The following SMG6 variants were observed in gnomAD, a reference collection of about 807,000 sequenced individuals.
SMG6 encodes SMG6 nonsense mediated mRNA decay factor.
Under a neutral mutation model 142.2 loss-of-function variants are expected in SMG6, and 66 were observed. The observed-to-expected ratio is 0.46, with a 90% CI of 0.38 to 0.57. The LOEUF (loss-of-function observed/expected upper bound fraction) is 0.57. SMG6 is among the 20% of genes least tolerant of loss of function. SMG6 has a pLI of 0.00. For synonymous variants in SMG6, 779 were observed against 702.4 expected, an observed-to-expected ratio of 1.11 and a Z score of -1.72; for missense variants, 1,793 against 1,832.0, an observed-to-expected ratio of 0.98 and a Z score of 0.39.
intron 10 of SMG6, among the ~76,000 whole-genome samples, chr17:2,190,307 G>A (rs2072120572): frequency 6.6e-6 from 1 of 152,150 alleles, no homozygotes; most frequent in South Asian, 2.1e-4. Context: ...CTGATACTCT[G>A]AGTAAACATT....
intron 13 of SMG6, among the ~76,000 whole-genome samples, chr17:2,100,949 G>A (rs964138627): frequency 6.6e-6 from 1 of 152,018 alleles, no homozygotes; most frequent in South Asian, 2.1e-4. Flanking sequence ...ACAGCACCTG[G>A]CCAGAATGTG....
intron 15 of SMG6, among the ~76,000 whole-genome samples, chr17:2,070,404 C>T (rs1010684285): frequency 2.0e-5 from 3 of 152,168 alleles, no homozygotes; most frequent in Non-Finnish European, 2.9e-5. Context: ...AGGTCCCAGC[C>T]CTGTCACACC....
chr17:2,299,867 C>A lies in SMG6; in HGVS notation c.886G>T (p.Val296Leu), dbSNP rs577375352. ...TKERPRLKKQ[V>L]SVSSTDSLDE... The stretch of plus-strand genomic sequence containing the variant: ...AAGGAATCGGTTGAGGACACAGACA[C>A]TTGCTTCTTCAGTCGTGGCCTCTCC... Residue 296 changes from valine to leucine, a missense_variant, in exon 2 of 19, where the codon GTG (valine) becomes TTG (leucine). This residue lies in a region of SMG6 where 1,597 missense variants were observed against 1,584.6 expected (regional missense o/e 1.01). Transcript: ENST00000263073. This position sits in a 1 kb window ranked among gnomAD's most constrained non-coding sequence, Gnocchi z 4.3. 1.9e-6 allele frequency: 3 copies of A among 1,614,158 alleles called. No individual in the cohort carries two copies. The African/African-American group carries it at 4.0e-5, about 22-fold the overall frequency.
At chr17:2,200,526 G>GAA (rs59613514) in intron 10 of SMG6, among the ~76,000 whole-genome samples, 7 of 137,570 alleles carry the variant, frequency 5.1e-5, no homozygotes, top group Non-Finnish European at 1.6e-5. Flanking sequence ...ACCCACGACA[G>GAA]AAAAAAAAAA....
intron 13 of SMG6, chr17:2,088,669 G>C (rs1048221476): frequency 1.0e-6 from 1 of 985,364 alleles, no homozygotes; most frequent in African/African-American, 1.7e-5. Context: ...GCAGCAGGGA[G>C]GATGGTCAAA....
chr17:2,079,678 T>C (rs2068358270), intron 15 of SMG6, among the ~76,000 whole-genome samples: 1 of 151,738 alleles, frequency 6.6e-6, no homozygotes, highest in South Asian at 2.1e-4. Flanking sequence ...AGTTTACATG[T>C]AGACCCACAG....
intron 13 of SMG6, among the ~76,000 whole-genome samples, chr17:2,159,320 C>T (rs943811172): frequency 1.3e-5 from 2 of 152,116 alleles, no homozygotes; most frequent in African/African-American, 2.4e-5. Context: ...ATCCCAGCTA[C>T]TTGAGAGGCT....
chr17:2,063,416 G>A (rs899930200), intron 18 of SMG6, among the ~76,000 whole-genome samples: 2 of 152,242 alleles, frequency 1.3e-5, no homozygotes, highest in Admixed American at 1.3e-4. Flanking sequence ...AATGGGCTTT[G>A]ATTACACCAG....
chr17:2,123,500 A>AC (rs1404565799), intron 13 of SMG6, among the ~76,000 whole-genome samples: 1 of 152,184 alleles, frequency 6.6e-6, no homozygotes, highest in Non-Finnish European at 1.5e-5. Flanking sequence ...CAGTTCTGAA[A>AC]CCCCAATCCC....
intron 13 of SMG6, among the ~76,000 whole-genome samples, chr17:2,139,659 GATCT>G (rs1489024637): frequency 3.3e-5 from 5 of 151,958 alleles, no homozygotes; most frequent in Non-Finnish European, 7.4e-5. Context: ...GACCGCAAGT[GATCT>G]GTCTGCCTTG....
chr17:2,301,967 C>T lies in SMG6; in HGVS notation c.89-1303G>A, dbSNP rs144144210. Reference sequence around the variant, plus strand: ...AATGGAATGCTATATAAAATCCTAGCATAGGCCAGGTGCAGTAGCTCACGC... The same window carrying T: ...AATGGAATGCTATATAAAATCCTAGTATAGGCCAGGTGCAGTAGCTCACGC... On this transcript the variant is annotated intron_variant, in intron 1 of 18. Transcript: ENST00000263073. Among the ~76,000 whole-genome samples, 94 of 152,006 alleles carry T rather than the reference C, an allele frequency of 6.2e-4. 1 individual carries two copies. Among genetic ancestry groups the T allele is most frequent in the African/African-American group, 2.1e-3 (87 of 41,462 alleles).
At chr17:2,289,946 A>ATG (rs1181589692) in intron 6 of SMG6, among the ~76,000 whole-genome samples, 7 of 118,904 alleles carry the variant, frequency 5.9e-5, no homozygotes, top group Non-Finnish European at 1.1e-4. Context: ...TTATACATAT[A>ATG]TATATATATA....
intron 8 of SMG6, among the ~76,000 whole-genome samples, chr17:2,272,866 A>T (rs2074568226): frequency 6.6e-6 from 1 of 151,786 alleles, no homozygotes; most frequent in Admixed American, 6.6e-5. Flanking sequence ...TGAACCCAGG[A>T]GGCGGAGGAG....
intron 2 of SMG6, among the ~76,000 whole-genome samples, chr17:2,298,575 G>A (rs939728775): frequency 1.3e-5 from 2 of 152,008 alleles, no homozygotes; most frequent in Admixed American, 6.6e-5. Flanking sequence ...AAAATTAGCC[G>A]GGTGTGGTGG....
chr17:2,226,248 C>G (rs932629851), intron 10 of SMG6, among the ~76,000 whole-genome samples: 3 of 147,684 alleles, frequency 2.0e-5, no homozygotes. Flanking sequence ...GCACTCCAGC[C>G]TAGGAAACAA....
chr17:2,282,668 C>T lies in SMG6; in HGVS notation c.2640G>A (p.Leu880=). 1.2e-6 allele frequency: 2 copies of T among 1,614,044 alleles called. No individual in the cohort carries two copies. Among genetic ancestry groups the T allele is most frequent in the Non-Finnish European group, 1.7e-6 (2 of 1,179,998 alleles). The change falls in exon 8 of 19, where the codon CTG becomes CTA. Residue 880 remains leucine (L), a synonymous_variant. Coordinates refer to ENST00000263073, the MANE Select transcript of SMG6 (RefSeq NM_017575.5). ...TTACATCACTGGGACTCAGGCTGCC[C>T]AGCCCATTCTCTTGCTCAGAATCCT... is the stretch of plus-strand genomic sequence containing the variant. ...SGKDSEQENG[L]GSLSPSDLNK...
chr17:2,075,789 C>G, intron 15 of SMG6, among the ~76,000 whole-genome samples: 1 of 152,352 alleles, frequency 6.6e-6, no homozygotes, highest in East Asian at 1.9e-4. Flanking sequence ...CAAGACAGAG[C>G]GTGGGCTGAG....
At chr17:2,066,618 C>T (rs16951879) in intron 16 of SMG6, among the ~76,000 whole-genome samples, 3,147 of 146,236 alleles carry the variant, frequency 0.022, 59 homozygotes, top group South Asian at 0.069. Flanking sequence ...TCTGGGTATT[C>T]GGAGACACTT....
At position 2,208,908 on chromosome 17, in the gene SMG6, G is replaced by A. The variant is rs569057090; in HGVS notation, c.2870-20393C>T. 6.3e-4 allele frequency among the ~76,000 whole-genome samples: 96 copies of A among 152,280 alleles called. 1 individual carries two copies. The highest frequency in any genetic ancestry group is 3.1e-3 in the South Asian group (15 of 4,818). On this transcript the variant is annotated intron_variant, in intron 10 of 18. Coordinates refer to ENST00000263073, the MANE Select transcript of SMG6 (RefSeq NM_017575.5). ...TAAAAAGCGTAACATGTCCAGGTGC[G>A]GTGGCTCATGCCTGTAACCCCAGCA...
Sources: allele counts gnomAD v4.1 joint callset (sites outside exome capture counted in the v4.1 genomes callset), GRCh38; gene constraint gnomAD v4.1.1; regional missense constraint gnomAD v4.1.1; non-coding constraint Gnocchi (gnomAD v3.1); transcripts MANE v1.5; gene names NCBI Gene and HGNC (gene_info 2026-07-23, HGNC 2026-07-21).